The following JAK2 variants were observed in gnomAD, a reference collection of about 807,000 sequenced individuals.
JAK2 encodes tyrosine-protein kinase JAK2.
A neutral mutation model predicts 139.3 loss-of-function variants in JAK2; 86 were observed. That is an observed-to-expected ratio of 0.62 (90% CI 0.52 to 0.74). The LOEUF (loss-of-function observed/expected upper bound fraction) is 0.74, where lower values mean the gene tolerates loss of function less well. Ranked by LOEUF, JAK2 falls within the 30% of genes least tolerant of loss-of-function variation. The pLI is 0.00. For missense variants in JAK2, 1,421 were observed against 1,360.3 expected, an observed-to-expected ratio of 1.04 and a Z score of -0.70; for synonymous variants, 490 against 437.7, an observed-to-expected ratio of 1.12 and a Z score of -1.49.
chr9:5,002,978 T>C (rs945704201), intron 2 of JAK2, among the ~76,000 whole-genome samples: 2 of 152,014 alleles, frequency 1.3e-5, no homozygotes, highest in African/African-American at 4.8e-5. Context: ...CTAAGCCACA[T>C]GTTTTGAAAT....
chr9:5,082,830 G>C (rs868214602), intron 19 of JAK2, among the ~76,000 whole-genome samples: 1 of 152,344 alleles, frequency 6.6e-6, no homozygotes, highest in African/African-American at 2.4e-5. Context: ...CTTAAACCTT[G>C]ATTCCATACA....
intron 22 of JAK2, chr9:5,100,129 G>C (rs1418970747): frequency 6.6e-6 from 1 of 152,176 alleles, no homozygotes; most frequent in Non-Finnish European, 1.5e-5. Context: ...AGCTTCAGTT[G>C]CTTTTATTAT....
At chr9:5,004,345 T>G (rs1347394191) in intron 2 of JAK2, among the ~76,000 whole-genome samples, 1 of 152,196 alleles carries the variant, frequency 6.6e-6, no homozygotes, top group African/African-American at 2.4e-5. Context: ...TTCTATGATT[T>G]CTACTTTTTT....
chr9:5,005,999 A>G (rs189726690), intron 2 of JAK2, among the ~76,000 whole-genome samples: 3 of 152,156 alleles, frequency 2.0e-5, no homozygotes, highest in African/African-American at 7.2e-5. Context: ...TTCCATATGA[A>G]CTTTAAAGTA....
rs559371331 is a variant in JAK2 at position 5,050,809 on chromosome 9, C to T, written c.592C>T (p.Leu198=). 130 of 1,613,580 alleles carry T rather than the reference C, an allele frequency of 8.1e-5. No individual in the cohort carries two copies. The South Asian group carries it at 1.3e-3, about 16-fold the overall frequency. ...AGCCAAAGAAAACGATCAAACCCCA[C>T]TGGCCATCTATAACTCTATCAGGTA... ...RIAKENDQTP[L]AIYNSISYKT... Residue 198 remains leucine, a synonymous_variant, in exon 6 of 25, where the codon CTG becomes TTG. Coordinates refer to ENST00000381652, the MANE Select transcript of JAK2 (RefSeq NM_004972.4).
intron 2 of JAK2, among the ~76,000 whole-genome samples, chr9:5,012,701 G>A (rs1179797327): frequency 2.0e-5 from 3 of 152,178 alleles, no homozygotes; most frequent in African/African-American, 4.8e-5. Flanking sequence ...AGAATAGATC[G>A]TTTGACAAGG....
chr9:5,078,611 A>G (rs1475495739), intron 16 of JAK2, among the ~76,000 whole-genome samples, 167 bp downstream of exon 16: 1 of 152,068 alleles, frequency 6.6e-6, no homozygotes, highest in African/African-American at 2.4e-5. Context: ...CTTAGTCTCT[A>G]TTTTTCTTTC....
chr9:5,092,782 A>G (rs1290935805), intron 22 of JAK2, among the ~76,000 whole-genome samples: 3 of 152,170 alleles, frequency 2.0e-5, no homozygotes, highest in Non-Finnish European at 2.9e-5. Flanking sequence ...TAGTGGTGAT[A>G]AGCCTATCAA....
chr9:5,120,360 A>T (rs1458736517), intron 22 of JAK2, among the ~76,000 whole-genome samples: 1 of 152,270 alleles, frequency 6.6e-6, no homozygotes, highest in Non-Finnish European at 1.5e-5. Context: ...GACACATAGC[A>T]AACACTAAAT....
intron 8 of JAK2, among the ~76,000 whole-genome samples, chr9:5,064,604 CTGAGA>C (rs1818439754): frequency 6.6e-6 from 1 of 151,674 alleles, no homozygotes; most frequent in South Asian, 2.1e-4. Flanking sequence ...AGATTTCTAG[CTGAGA>C]TAACTGGTAT....
intron 22 of JAK2, among the ~76,000 whole-genome samples, chr9:5,103,270 C>A: frequency 7.6e-6 from 1 of 131,868 alleles, no homozygotes; most frequent in African/African-American, 3.2e-5. Flanking sequence ...GAGTTGCAAT[C>A]CCGGTCTCTG....
intron 2 of JAK2, among the ~76,000 whole-genome samples, chr9:4,990,845 T>A (rs1292686027): frequency 6.6e-6 from 1 of 152,238 alleles, no homozygotes; most frequent in Non-Finnish European, 1.5e-5. Context: ...GACCTTTGGA[T>A]TTGACAGTTG....
At chr9:5,035,008 G>C (rs1823470107) in intron 4 of JAK2, among the ~76,000 whole-genome samples, 1 of 152,050 alleles carries the variant, frequency 6.6e-6, no homozygotes, top group African/African-American at 2.4e-5. Context: ...AATAAGAAAA[G>C]AGAGAAGAAT....
chr9:5,066,714 T>C lies in JAK2; in HGVS notation c.1251T>C (p.Gly417=). The change falls in exon 10 of 25, where the codon GGT becomes GGC. Residue 417 remains glycine, a synonymous_variant. Coordinates refer to ENST00000381652, the MANE Select transcript of JAK2 (RefSeq NM_004972.4). ...CCATTAGTAAACTGAAGAAAGCAGGTAATCAGACTGGACTGTATGTACTTC... is the reference window on the plus strand; with the variant it reads ...CCATTAGTAAACTGAAGAAAGCAGGCAATCAGACTGGACTGTATGTACTTC... ...DFAISKLKKA[G]NQTGLYVLRC... 1 of 1,610,420 alleles carries C rather than the reference T, an allele frequency of 6.2e-7. No individual in the cohort carries two copies.
rs1449110053 is a variant in JAK2, at chr9:5,090,551, A to G, written c.2867A>G (p.Tyr956Cys). 6.3e-7 allele frequency: 1 copy of G among 1,587,434 alleles called. No homozygotes were observed. Among genetic ancestry groups the G allele is most frequent in the Non-Finnish European group, 8.6e-7 (1 of 1,167,588 alleles). ...ERIDHIKLLQ[Y>C]TSQICKGMEY... is the part of the protein sequence containing the mutation. ...ATAGATCACATAAAACTTCTGCAGT[A>G]CACATCTCAGATATGCAAGGTAACT... is the stretch of plus-strand genomic sequence containing the variant. The change falls in exon 21 of 25, where the codon TAC (tyrosine) becomes TGC (cysteine). Residue 956 changes from tyrosine to cysteine, a missense_variant. Transcript: ENST00000381652.
At chr9:5,041,583 C>T in intron 4 of JAK2, 1 of 501,960 alleles carries the variant, frequency 2.0e-6, no homozygotes, top group Non-Finnish European at 4.0e-6. Context: ...CTACGTGCGG[C>T]GCCTGGACTT....
In JAK2 at chr9:5,050,680, T is replaced by C. The variant is rs1403921721; in HGVS notation, c.469-6T>C. ...TGAGATATTTCCTTCAAATTTTTGG[T>C]TTTAGTGGCGGCATGATTTTGTGCA... On this transcript the variant is annotated splice_region_variant and splice_polypyrimidine_tract_variant and intron_variant, in intron 5 of 24. Transcript: ENST00000381652. The C allele has an allele frequency of 6.2e-7, 1 of 1,609,652 alleles. No individual in the cohort carries two copies. Among genetic ancestry groups the C allele is most frequent in the Non-Finnish European group, 8.5e-7 (1 of 1,178,412 alleles).
At chr9:5,088,203 C>G (rs1243056580) in intron 19 of JAK2, among the ~76,000 whole-genome samples, 1 of 152,094 alleles carries the variant, frequency 6.6e-6, no homozygotes, top group African/African-American at 2.4e-5. Context: ...ATTCTAGTTC[C>G]AATCTGACTT....
At chr9:5,099,083 C>G (rs1821258937) in intron 22 of JAK2, 1 of 152,150 alleles carries the variant, frequency 6.6e-6, no homozygotes, top group Non-Finnish European at 1.5e-5. Flanking sequence ...ACAATTCTCC[C>G]AACAGAAATA....
Sources: gnomAD v4.1 joint callset for allele counts (sites outside exome capture counted in the v4.1 genomes callset) on GRCh38, gnomAD v4.1.1 for gene constraint, MANE v1.5 for transcripts, NCBI Gene and HGNC (gene_info 2026-07-23, HGNC 2026-07-21) for gene names.